The following HEPH variants were observed in gnomAD, a reference collection of about 807,000 sequenced individuals.
HEPH encodes hephaestin.
In HEPH, 69 loss-of-function variants were observed where a neutral mutation model predicts 80.8. The observed-to-expected ratio is 0.85, with a 90% CI of 0.70 to 1.04. HEPH has a LOEUF of 1.04. Ranked by LOEUF, HEPH falls within the 50% of genes least tolerant of loss-of-function variation. The pLI is 0.00. For synonymous variants in HEPH, 431 were observed against 322.8 expected (o/e 1.34, Z -3.60); for missense variants, 1,115 against 891.3 (o/e 1.25, Z -3.20).
chrX:66,200,835 G>T (rs1229098905), intron 12 of HEPH, 83 bp downstream of exon 12: 2 of 758,118 alleles, frequency 2.6e-6, no homozygotes, highest in Admixed American at 6.0e-5. Context: ...GGATGGTGAA[G>T]AGAAAATAAT....
chrX:66,242,823 C>T (rs755769307), intron 15 of HEPH, among the ~76,000 whole-genome samples: 1 of 111,753 alleles, frequency 8.9e-6, no homozygotes, highest in African/African-American at 3.3e-5. Flanking sequence ...TGCCATCTCA[C>T]ACCTGTCAGA....
At chrX:66,249,683 G>A (rs1015543322) in intron 15 of HEPH, among the ~76,000 whole-genome samples, 3 of 111,927 alleles carry the variant, frequency 2.7e-5, no homozygotes, top group Admixed American at 1.9e-4. Flanking sequence ...AGGGAGGTTA[G>A]TGGTACCCAA....
At chrX:66,216,096 A>T (rs2089377326) in intron 15 of HEPH, among the ~76,000 whole-genome samples, 1 of 111,348 alleles carries the variant, frequency 9.0e-6, no homozygotes, top group African/African-American at 3.3e-5. Context: ...GGCACACCTA[A>T]TTCTGCACTC....
At chrX:66,207,094 T>G in intron 13 of HEPH, 101 bp from the exon 14 acceptor site, 1 of 675,097 alleles carries the variant, frequency 1.5e-6, no homozygotes, top group Non-Finnish European at 2.1e-6. Context: ...TTTTTCTGTC[T>G]GTGACATGAA....
chrX:66,170,622 C>T lies in HEPH; in HGVS notation c.52C>T (p.Pro18Ser), dbSNP rs746933930. Residue 18 changes from proline (P) to serine (S), a missense_variant, in exon 2 of 21, where the codon CCT becomes TCT. Around this residue, in one of 3 missense-constraint regions of HEPH, gnomAD observed 391 missense variants for 343.6 expected, o/e 1.14. Coordinates refer to ENST00000343002, the MANE Select transcript of HEPH (RefSeq NM_001367233.3). ...TCTGCTGTTCATGCAGTCCTTGTGG[C>T]CTCAACTGACTGATGGAGCCACTCG... ...WALLFMQSLW[P>S]QLTDGATRVY... The T allele has an allele frequency of 1.7e-6, 2 of 1,210,097 alleles. No homozygotes were observed. Among genetic ancestry groups the T allele is most frequent in the Non-Finnish European group, 2.2e-6 (2 of 894,361 alleles).
chrX:66,200,394 A>C, intron 11 of HEPH, 146 bp from the exon 12 acceptor site: 1 of 466,672 alleles, frequency 2.1e-6, no homozygotes, highest in Non-Finnish European at 3.7e-6. Flanking sequence ...TTAAAGTGGC[A>C]TAGAGAGGAA....
intron 13 of HEPH, among the ~76,000 whole-genome samples, chrX:66,205,558 T>C (rs1279440017): frequency 1.8e-5 from 2 of 110,877 alleles, no homozygotes; most frequent in East Asian, 2.8e-4. Flanking sequence ...GATGAACATA[T>C]GAATGCATGT....
intron 4 of HEPH, among the ~76,000 whole-genome samples, chrX:66,174,795 G>T (rs1265597976): frequency 3.6e-5 from 4 of 111,536 alleles, no homozygotes; most frequent in African/African-American, 1.3e-4. Flanking sequence ...TCATATGTTT[G>T]TTGGCCATTT....
intron 4 of HEPH, among the ~76,000 whole-genome samples, chrX:66,175,145 G>A (rs1050284761): frequency 1.8e-5 from 2 of 112,095 alleles, no homozygotes; most frequent in African/African-American, 3.2e-5. Flanking sequence ...ATAGTTTCAG[G>A]TTTTAGATTT....
chrX:66,228,077 G>A (rs191907770), intron 15 of HEPH, among the ~76,000 whole-genome samples: 2 of 111,749 alleles, frequency 1.8e-5, no homozygotes, highest in East Asian at 2.8e-4. Context: ...AGGTTTAATG[G>A]ACTCACAGTT....
At position 66,263,545 on chromosome X, in the gene HEPH, G is replaced by A; in HGVS notation, c.3200-99G>A. ...CCTTTATTTTGCTTACTTAATCACA[G>A]AGAAATTTCTGCAACCAATGTTGAC... On this transcript the variant is annotated intron_variant, in intron 19 of 20. Coordinates refer to ENST00000343002, the MANE Select transcript of HEPH (RefSeq NM_001367233.3). 6 of 922,732 alleles carry A rather than the reference G, an allele frequency of 6.5e-6. No homozygotes were observed. In the South Asian group the frequency reaches 1.3e-4, roughly 20 times the overall value. The allele number at this position is 922,732 out of a possible 1,213,427, so 76.0% of individuals were successfully genotyped here.
chrX:66,237,720 T>A (rs1427912851), intron 15 of HEPH, among the ~76,000 whole-genome samples: 9 of 112,308 alleles, frequency 8.0e-5, no homozygotes, highest in Non-Finnish European at 1.7e-4. Flanking sequence ...GTAAGTGGGA[T>A]GTTGAAGTAT....
chrX:66,228,947 C>G (rs2090006323), intron 15 of HEPH, among the ~76,000 whole-genome samples: 2 of 112,381 alleles, frequency 1.8e-5, no homozygotes, highest in Non-Finnish European at 1.9e-5. Context: ...TAAACTAGTA[C>G]AGCCTCTATG....
chrX:66,218,586 C>T, intron 15 of HEPH, among the ~76,000 whole-genome samples: 1 of 111,944 alleles, frequency 8.9e-6, no homozygotes, highest in Non-Finnish European at 1.9e-5. Flanking sequence ...ACCCTTTAGA[C>T]ACTGAGTTAA....
intron 15 of HEPH, among the ~76,000 whole-genome samples, chrX:66,230,771 T>G (rs1272307761): frequency 9.4e-6 from 1 of 105,936 alleles, no homozygotes; most frequent in Non-Finnish European, 1.9e-5. Flanking sequence ...GCAGAAGCTC[T>G]TGAGTTTAAT....
rs369161875 is a variant in HEPH, at chrX:66,192,166, C to T, written c.1100C>T (p.Ser367Phe). The T allele has an allele frequency of 3.3e-6, 4 of 1,208,073 alleles. No homozygotes were observed. In the African/African-American group the frequency reaches 7.0e-5, roughly 21 times the overall value. The change falls in exon 7 of 21, where the codon TCC becomes TTC. Residue 367 changes from serine (S) to phenylalanine (F), a missense_variant. This residue lies in a region of HEPH where 391 missense variants were observed against 343.6 expected (regional missense o/e 1.14). Transcript: ENST00000343002. ...MQALYKVKSCSMAPPVDLLTG... is the reference protein window; with the variant it reads ...MQALYKVKSCFMAPPVDLLTG... ...GCACTCTACAAGGTCAAGTCTTGCT[C>T]CATGGCCCCTCCTGTGGACCTGCTC... is the stretch of plus-strand genomic sequence containing the variant.
chrX:66,206,219 A>G (rs1464417753), intron 13 of HEPH, among the ~76,000 whole-genome samples: 1 of 109,897 alleles, frequency 9.1e-6, no homozygotes, highest in Non-Finnish European at 1.9e-5. Context: ...TAATTTCATC[A>G]AGACATCATT....
chrX:66,212,133 T>A (rs1051477884), intron 15 of HEPH, among the ~76,000 whole-genome samples: 9 of 110,691 alleles, frequency 8.1e-5, no homozygotes, highest in African/African-American at 3.0e-4. Flanking sequence ...TGGCCATTTG[T>A]ATGTCTTATT....
At chrX:66,230,044 C>T (rs1408423490) in intron 15 of HEPH, among the ~76,000 whole-genome samples, 16 of 101,386 alleles carry the variant, frequency 1.6e-4, no homozygotes, top group Non-Finnish European at 2.2e-4. Flanking sequence ...TTTGTTCTTG[C>T]GATAGTTTGC....
Sources: gnomAD v4.1 joint callset for allele counts (sites outside exome capture counted in the v4.1 genomes callset) on GRCh38, gnomAD v4.1.1 for gene constraint, gnomAD v4.1.1 regional missense constraint, MANE v1.5 for transcripts, NCBI Gene and HGNC (gene_info 2026-07-23, HGNC 2026-07-21) for gene names.